CEP44: variants seen among roughly 807,000 people sequenced by gnomAD.
CEP44 encodes the protein centrosomal protein of 44 kDa.
Under a neutral mutation model 46.7 loss-of-function variants are expected in CEP44, and 45 were observed. That is an observed-to-expected ratio of 0.96 (90% CI 0.76 to 1.24). CEP44 has a LOEUF of 1.24. Ranked by LOEUF, CEP44 falls within the 50% of genes most tolerant of loss-of-function variation. The probability of loss-of-function intolerance (pLI) is 0.00; values close to 1 mark genes in which losing one functional copy is unlikely to be tolerated. For synonymous variants in CEP44, 142 were observed against 146.0 expected (o/e 0.97, Z 0.20); for missense variants, 475 against 459.7 (o/e 1.03, Z -0.30).
intron 6 of CEP44, among the ~76,000 whole-genome samples, chr4:174,307,109 C>G (rs1186940912): frequency 6.6e-6 from 1 of 152,034 alleles, no homozygotes; most frequent in East Asian, 1.9e-4. Flanking sequence ...CTAAAGAAAA[C>G]TACTTTAAAA....
At chr4:174,295,024 G>A (rs1227237649) in intron 1 of CEP44, among the ~76,000 whole-genome samples, 9 of 133,256 alleles carry the variant, frequency 6.8e-5, no homozygotes, top group African/African-American at 1.5e-4. Flanking sequence ...CTGGCCAGGC[G>A]GGGGGCTGAC....
chr4:174,302,106 T>C lies in CEP44; in HGVS notation c.157T>C (p.Tyr53His). 1.2e-6 allele frequency: 2 copies of C among 1,612,402 alleles called. No homozygotes were observed. Among genetic ancestry groups the C allele is most frequent in the Non-Finnish European group, 1.7e-6 (2 of 1,179,320 alleles). Reference protein sequence around the residue: ...ISYSFTSYSPYVTELIMESNV... With the variant: ...ISYSFTSYSPHVTELIMESNV... ...CTATTCTTTTACCTCATACTCACCTTATGTAACAGAACTTATAATGGAATC... is the reference window on the plus strand; with the variant it reads ...CTATTCTTTTACCTCATACTCACCTCATGTAACAGAACTTATAATGGAATC... The change falls in exon 4 of 12, where the codon TAT becomes CAT. Residue 53 changes from tyrosine (Y) to histidine (H), a missense_variant. Physicochemically the swap from Tyr to His is moderately conservative, Grantham distance 83. Coordinates refer to ENST00000503780, the MANE Select transcript of CEP44 (RefSeq NM_001040157.3).
intron 11 of CEP44, among the ~76,000 whole-genome samples, 168 bp from the exon 12 acceptor site, chr4:174,317,167 C>CTT (rs1741829454): frequency 1.3e-5 from 2 of 151,984 alleles, no homozygotes; most frequent in African/African-American, 2.4e-5. Context: ...ATCGACTCCT[C>CTT]TTTGTCTTCC....
chr4:174,294,730 C>A (rs1160717933), intron 1 of CEP44, among the ~76,000 whole-genome samples: 3 of 143,702 alleles, frequency 2.1e-5, no homozygotes, highest in Admixed American at 6.8e-5. Flanking sequence ...GGCTGACCAC[C>A]CCCCACCTCC....
chr4:174,315,290 G>T (rs1741538414), intron 9 of CEP44, among the ~76,000 whole-genome samples: 1 of 151,588 alleles, frequency 6.6e-6, no homozygotes, highest in Non-Finnish European at 1.5e-5. Context: ...GAAACACAGG[G>T]TTTGTAGGAT....
rs1741236119 is a variant in CEP44, at chr4:174,312,848, G to A, written c.961+1990G>A. Among the ~76,000 whole-genome samples, 1 of 152,156 alleles carries A rather than the reference G, an allele frequency of 6.6e-6. No homozygotes were observed. The highest frequency in any genetic ancestry group is 1.5e-5 in the Non-Finnish European group (1 of 68,020). ...CAATAATTTACTACTCTGGGTTTAG[G>A]ATCATATTAAATCAGGAATAGTTTT... On this transcript the variant is annotated intron_variant, in intron 9 of 11. Coordinates refer to ENST00000503780, the MANE Select transcript of CEP44 (RefSeq NM_001040157.3). The surrounding 1 kb of genome is among the most constrained non-coding windows in gnomAD (Gnocchi z 4.5).
chr4:174,304,390 T>C lies in CEP44; in HGVS notation c.507+21T>C, dbSNP rs753661435. 18 of 1,600,714 alleles carry C rather than the reference T, an allele frequency of 1.1e-5. 1 individual carries two copies. In the South Asian group the frequency reaches 1.4e-4, roughly 12 times the overall value. On this transcript the variant is annotated intron_variant, in intron 6 of 11. Transcript: ENST00000503780. Reference sequence around the variant, plus strand: ...GAAAGGTATGCAACCACAAAGAAAATATCATATTGTTTAAGAGTTATCTAA... The same window carrying C: ...GAAAGGTATGCAACCACAAAGAAAACATCATATTGTTTAAGAGTTATCTAA...
At chr4:174,291,812 T>C (rs867152534) in intron 1 of CEP44, among the ~76,000 whole-genome samples, 88 of 134,680 alleles carry the variant, frequency 6.5e-4, no homozygotes, top group African/African-American at 2.4e-3. Context: ...TTTTTTTTTT[T>C]CCAGGTCTGG....
Position 174,319,851 on chromosome 4 carries a change from A to G in CEP44, c.*2468A>G, listed in dbSNP as rs544088335. On this transcript the variant is annotated 3_prime_UTR_variant, in exon 12 of 12. Coordinates refer to ENST00000503780, the MANE Select transcript of CEP44 (RefSeq NM_001040157.3). ...TTGGAGTTATTGGACAGATCAGCAA[A>G]TTGTTATTTTAAAAAGTTTTCTTGT... 1 of 985,228 alleles carries G rather than the reference A, an allele frequency of 1.0e-6. No individual in the cohort carries two copies. The highest frequency in any genetic ancestry group is 4.7e-5 in the South Asian group (1 of 21,282). The allele number at this position is 985,228 out of a possible 1,614,324, so 61.0% of individuals were successfully genotyped here. A position where few individuals can be genotyped will look rare whatever the true frequency, so the allele number is the denominator to read the frequency against.
rs891321842 is a variant in CEP44 at position 174,309,349 on chromosome 4, C to T, written c.678+490C>T. On this transcript the variant is annotated intron_variant, in intron 7 of 11. Transcript: ENST00000503780. The surrounding 1 kb of genome is among the most constrained non-coding windows in gnomAD (Gnocchi z 5.3). ...ACTGTTTCTGCTAAGACTTCTTTTT[C>T]TGTGTTTCTATGTCTTGTGATTTCT... Among the ~76,000 whole-genome samples, 3 of 151,980 alleles carry T rather than the reference C, an allele frequency of 2.0e-5. No individual in the cohort carries two copies. Among genetic ancestry groups the T allele is most frequent in the Admixed American group, 2.0e-4 (3 of 15,242 alleles).
intron 9 of CEP44, among the ~76,000 whole-genome samples, chr4:174,315,014 G>A (rs940739053): frequency 6.6e-6 from 1 of 152,172 alleles, no homozygotes; most frequent in African/African-American, 2.4e-5. Context: ...GGAAGTTTAC[G>A]CTGATGAGTC....
At position 174,308,891 on chromosome 4, in the gene CEP44, A is replaced by C. The variant is rs1438242856; in HGVS notation, c.678+32A>C. The C allele has an allele frequency of 2.5e-6, 4 of 1,585,438 alleles. No homozygotes were observed. In the Admixed American group the frequency reaches 7.0e-5, roughly 28 times the overall value. On this transcript the variant is annotated intron_variant, in intron 7 of 11. Coordinates refer to ENST00000503780, the MANE Select transcript of CEP44 (RefSeq NM_001040157.3). Reference sequence around the variant, plus strand: ...ACTTTGGACTTTTTAAATAGATGCCAGTATTTTTTACTTAAATATGTGTAA... The same window carrying C: ...ACTTTGGACTTTTTAAATAGATGCCCGTATTTTTTACTTAAATATGTGTAA...
chr4:174,309,933 A>G lies in CEP44; in HGVS notation c.762A>G (p.Ile254Met). 1 of 1,612,670 alleles carries G rather than the reference A, an allele frequency of 6.2e-7. No homozygotes were observed. The highest frequency in any genetic ancestry group is 2.2e-5 in the East Asian group (1 of 44,758). The change falls in exon 8 of 12, where the codon ATA (isoleucine) becomes ATG (methionine). Residue 254 changes from isoleucine to methionine, a missense_variant. Coordinates refer to ENST00000503780, the MANE Select transcript of CEP44 (RefSeq NM_001040157.3). This position sits in a 1 kb window ranked among gnomAD's most constrained non-coding sequence, Gnocchi z 5.3. ...CQENLKKLTS[I>M]EKRLDCLEQK... ...AAAATCTTAAGAAACTGACTTCGAT[A>G]GAGAAAAGGTTAGACTGTTTGGAAC...
chr4:174,308,879 T>A lies in CEP44; in HGVS notation c.678+20T>A, dbSNP rs1740756135. Reference sequence around the variant, plus strand: ...CAACAGGTAACAACTTTGGACTTTTTAAATAGATGCCAGTATTTTTTACTT... The same window carrying A: ...CAACAGGTAACAACTTTGGACTTTTAAAATAGATGCCAGTATTTTTTACTT... On this transcript the variant is annotated intron_variant, in intron 7 of 11. Transcript: ENST00000503780. The A allele has an allele frequency of 6.2e-7, 1 of 1,603,796 alleles. No individual in the cohort carries two copies. Among genetic ancestry groups the A allele is most frequent in the African/African-American group, 1.3e-5 (1 of 74,348 alleles).
Position 174,300,803 on chromosome 4 carries a change from T to C in CEP44, c.90-1236T>C, listed in dbSNP as rs547692674. Among the ~76,000 whole-genome samples, 25 of 152,272 alleles carry C rather than the reference T, an allele frequency of 1.6e-4. 2 individuals are homozygous for C. The South Asian group carries it at 4.6e-3, about 28-fold the overall frequency. On this transcript the variant is annotated intron_variant, in intron 3 of 11. Coordinates refer to ENST00000503780, the MANE Select transcript of CEP44 (RefSeq NM_001040157.3). ...GCTGTTTTTTGTGTTGGCATCTGTT[T>C]TTCTTACTGTTTCTAATATGCTAAG...
chr4:174,330,697 T>C (rs1731274802), intron 8 of CEP44, among the ~76,000 whole-genome samples: 1 of 152,192 alleles, frequency 6.6e-6, no homozygotes, highest in Non-Finnish European at 1.5e-5. Flanking sequence ...GCATGTGTTT[T>C]TTTAATTAAA....
chr4:174,298,397 G>A (rs1403258509), intron 2 of CEP44, among the ~76,000 whole-genome samples: 4 of 151,566 alleles, frequency 2.6e-5, no homozygotes, highest in East Asian at 3.9e-4. Context: ...GGATGGTCTC[G>A]ATCTCCTGAC....
At chr4:174,283,902 C>G, upstream of CEP44, 1 of 398,984 alleles carries the variant, frequency 2.5e-6, no homozygotes, top group Middle Eastern at 6.3e-4. The surrounding 1 kb of genome is among the most constrained non-coding windows in gnomAD (Gnocchi z 6.7). Context: ...GCGAGGAATC[C>G]TGGAGCACAG....
At chr4:174,299,854 T>C (rs1739504981) in intron 3 of CEP44, among the ~76,000 whole-genome samples, 1 of 152,200 alleles carries the variant, frequency 6.6e-6, no homozygotes, top group African/African-American at 2.4e-5. Context: ...GCCTATATAA[T>C]ATGGTACTGC....
Sources: gnomAD v4.1 joint callset for allele counts (sites outside exome capture counted in the v4.1 genomes callset) on GRCh38, gnomAD v4.1.1 for gene constraint, Gnocchi (gnomAD v3.1) non-coding constraint, MANE v1.5 for transcripts, NCBI Gene and HGNC (gene_info 2026-07-23, HGNC 2026-07-21) for gene names.